KGD4: variants seen among roughly 807,000 people sequenced by gnomAD.
The protein encoded by KGD4 is alpha-ketoglutarate dehydrogenase component 4.
At chr5:69,227,982 G>T in the KGD4 span, among the ~76,000 whole-genome samples, 1 of 152,060 alleles carries the variant, frequency 6.6e-6, no homozygotes, top group Non-Finnish European at 1.5e-5. Context: ...AAATTTTAAA[G>T]CTACCTCCTT....
the KGD4 span, chr5:69,217,830 A>G: frequency 1.2e-6 from 2 of 1,613,656 alleles, no homozygotes; most frequent in African/African-American, 2.7e-5. Flanking sequence ...CTCGGGGGTC[A>G]TGATGGGCAG....
At chr5:69,223,301 G>A in the KGD4 span, among the ~76,000 whole-genome samples, 23,044 of 151,268 alleles carry the variant, frequency 0.15, 1,891 homozygotes, top group African/African-American at 0.21. Flanking sequence ...GAATGGTCTC[G>A]ATCTCCTGAC....
the KGD4 span, chr5:69,229,192 A>C: frequency 1.2e-6 from 2 of 1,608,630 alleles, no homozygotes; most frequent in Non-Finnish European, 1.7e-6. Context: ...TTACTGCTTT[A>C]TTTTTTCCTT....
chr5:69,224,504 G>T, the KGD4 span, among the ~76,000 whole-genome samples: 2 of 151,760 alleles, frequency 1.3e-5, no homozygotes, highest in African/African-American at 4.8e-5. Context: ...TGTTACTTTT[G>T]TAGTCAAAAA....
the KGD4 span, chr5:69,228,084 A>C: frequency 1.3e-6 from 1 of 772,800 alleles, no homozygotes. Context: ...TTCAAGAGTT[A>C]TTTGAAGAAT....
the KGD4 span, among the ~76,000 whole-genome samples, chr5:69,220,169 G>A: frequency 2.6e-5 from 4 of 151,910 alleles, no homozygotes; most frequent in African/African-American, 9.7e-5. Flanking sequence ...CAAGGCTACA[G>A]TGAGCCATAA....
the KGD4 span, among the ~76,000 whole-genome samples, chr5:69,221,054 G>T: frequency 6.6e-6 from 1 of 152,094 alleles, no homozygotes; most frequent in Non-Finnish European, 1.5e-5. Context: ...GCGGAAGGCC[G>T]CAGGGACCTC....
the KGD4 span, chr5:69,218,035 G>A: frequency 5.6e-5 from 65 of 1,154,760 alleles, no homozygotes; most frequent in African/African-American, 9.1e-4. Context: ...GGGACTTTGA[G>A]CCTGTTGGAC....
At chr5:69,225,992 A>T in the KGD4 span, among the ~76,000 whole-genome samples, 1 of 152,216 alleles carries the variant, frequency 6.6e-6, no homozygotes, top group African/African-American at 2.4e-5. Context: ...GGGCCTCCCA[A>T]AATGTTGGGA....
the KGD4 span, among the ~76,000 whole-genome samples, chr5:69,223,983 T>C: frequency 7.2e-6 from 1 of 139,588 alleles, no homozygotes; most frequent in Non-Finnish European, 1.5e-5. Context: ...CAGTGAGCCA[T>C]GATTGCGGCA....
At chr5:69,218,242 C>T in the KGD4 span, 1 of 243,080 alleles carries the variant, frequency 4.1e-6, no homozygotes. Flanking sequence ...GTGGTGCCCC[C>T]GATCAGCCAA....
At chr5:69,217,958 A>G in the KGD4 span, 1 of 1,607,922 alleles carries the variant, frequency 6.2e-7, no homozygotes, top group African/African-American at 1.3e-5. Context: ...AGGCGGTGGC[A>G]GAGGCAGAGC....
chr5:69,218,548 C>A, the KGD4 span, among the ~76,000 whole-genome samples: 1 of 151,400 alleles, frequency 6.6e-6, no homozygotes, highest in Admixed American at 6.6e-5. Flanking sequence ...AGATAGACAG[C>A]TAAAGTAACT....
the KGD4 span, chr5:69,228,498 T>G: frequency 8.9e-7 from 1 of 1,125,744 alleles, no homozygotes. Flanking sequence ...CAGAGTGTGG[T>G]CAGAGCTAAG....
At chr5:69,224,026 C>T in the KGD4 span, among the ~76,000 whole-genome samples, 2 of 132,214 alleles carry the variant, frequency 1.5e-5, no homozygotes, top group Non-Finnish European at 3.1e-5. Flanking sequence ...CAGCAAGACT[C>T]TGTCTAAAAA....
At chr5:69,217,761 C>T in the KGD4 span, 1 of 1,609,334 alleles carries the variant, frequency 6.2e-7, no homozygotes, top group South Asian at 1.1e-5. Flanking sequence ...GCACCGCCCA[C>T]AGCTGCCCGG....
chr5:69,226,047 A>G, the KGD4 span, among the ~76,000 whole-genome samples: 167 of 152,292 alleles, frequency 1.1e-3, no homozygotes, highest in African/African-American at 3.8e-3. Context: ...CATTCTTACC[A>G]ATCTATAAGT....
the KGD4 span, among the ~76,000 whole-genome samples, chr5:69,228,553 T>G: frequency 1.3e-5 from 2 of 152,290 alleles, no homozygotes; most frequent in African/African-American, 2.4e-5. Flanking sequence ...GAAACCATAG[T>G]CAAATCCCTC....
At chr5:69,217,880 AT>A in the KGD4 span, 233 of 1,613,682 alleles carry the variant, frequency 1.4e-4, no homozygotes, top group Non-Finnish European at 1.9e-4. Flanking sequence ...AGGTAAAGCA[AT>A]TTGTCGCGTT....
Sources: allele counts gnomAD v4.1 joint callset (sites outside exome capture counted in the v4.1 genomes callset), GRCh38; gene constraint gnomAD v4.1.1; transcripts MANE v1.5; gene names NCBI Gene and HGNC (gene_info 2026-07-23, HGNC 2026-07-21).